PRKG2: variants seen among roughly 807,000 people sequenced by gnomAD.
The protein encoded by PRKG2 is cGMP-dependent protein kinase 2.
Under a neutral mutation model 97.2 loss-of-function variants are expected in PRKG2, and 33 were observed. The observed-to-expected ratio is 0.34, with a 90% CI of 0.26 to 0.45. The LOEUF (loss-of-function observed/expected upper bound fraction) is 0.45. Ranked by LOEUF, PRKG2 falls within the 20% of genes least tolerant of loss-of-function variation. PRKG2 has a pLI of 1.00. For missense variants in PRKG2, 638 were observed against 900.0 expected (o/e 0.71, Z 3.73); for synonymous variants, 330 against 321.8 (o/e 1.03, Z -0.27).
At chr4:81,189,098 T>TAAAAAAAAA (rs1752233810) in intron 2 of PRKG2, among the ~76,000 whole-genome samples, 1 of 28,112 alleles carries the variant, frequency 3.6e-5, no homozygotes, top group African/African-American at 3.2e-4. Flanking sequence ...AAAAAGAAGC[T>TAAAAAAAAA]AGCAATTGCA....
chr4:81,126,516 C>T (rs535507482), intron 14 of PRKG2, among the ~76,000 whole-genome samples: 69 of 152,330 alleles, frequency 4.5e-4, no homozygotes, highest in South Asian at 1.0e-3. Flanking sequence ...ATCCCTATTT[C>T]TCCATATTCT....
rs1161146981 is a variant in PRKG2 at position 81,089,282 on chromosome 4, G to C, written c.*426C>G. The stretch of plus-strand genomic sequence containing the variant: ...TTATATGAAGTTGCTGAGAGCTGGG[G>C]AGCTCTCCAAAATTCACCATTGTTT... On this transcript the variant is annotated 3_prime_UTR_variant, in exon 19 of 19. Coordinates refer to ENST00000264399, the MANE Select transcript of PRKG2 (RefSeq NM_006259.3). 2 of 153,054 alleles carry C rather than the reference G, an allele frequency of 1.3e-5. No individual in the cohort carries two copies. The highest frequency in any genetic ancestry group is 2.9e-5 in the Non-Finnish European group (2 of 68,710). 9.5% of individuals were successfully genotyped at this position (153,054 alleles called of 1,614,324 possible).
intron 6 of PRKG2, among the ~76,000 whole-genome samples, chr4:81,160,016 G>A (rs1013725463): frequency 6.6e-6 from 1 of 151,150 alleles, no homozygotes; most frequent in Non-Finnish European, 1.5e-5. Context: ...GCTAGATGAC[G>A]AATTAGTGGG....
intron 9 of PRKG2, among the ~76,000 whole-genome samples, chr4:81,145,883 A>C (rs1025439794): frequency 2.0e-5 from 3 of 152,162 alleles, no homozygotes; most frequent in African/African-American, 7.2e-5. Context: ...CCACCTCAAT[A>C]TTGTGCTGTC....
intron 14 of PRKG2, among the ~76,000 whole-genome samples, chr4:81,127,858 C>A (rs1236395034): frequency 1.3e-5 from 2 of 152,142 alleles, no homozygotes; most frequent in African/African-American, 4.8e-5. Context: ...CCAGAACTTC[C>A]AATACTATGT....
intron 2 of PRKG2, chr4:81,193,392 A>G (rs1364322148): frequency 6.6e-6 from 1 of 152,206 alleles, no homozygotes; most frequent in African/African-American, 2.4e-5. Context: ...CAGAGTCTAC[A>G]GGTCACAGAT....
At chr4:81,129,458 G>C (rs890804082) in intron 14 of PRKG2, among the ~76,000 whole-genome samples, 2 of 152,078 alleles carry the variant, frequency 1.3e-5, no homozygotes, top group African/African-American at 4.8e-5. Flanking sequence ...CTATTATTGT[G>C]TAGGAATCTA....
At position 81,205,088 on chromosome 4, in the gene PRKG2, C is replaced by T. The variant is rs1433180495; in HGVS notation, c.-13-28G>A. ...GAGAAGGCACAGAATTGGGAAGTAT[C>T]AAGTGGAGTTTCACTTCCCAACAGT... On this transcript the variant is annotated intron_variant, in intron 1 of 18. Coordinates refer to ENST00000264399, the MANE Select transcript of PRKG2 (RefSeq NM_006259.3). The T allele has an allele frequency of 3.5e-6, 5 of 1,446,536 alleles. No homozygotes were observed. The African/African-American group carries it at 7.1e-5, about 20-fold the overall frequency. 89.6% of individuals were successfully genotyped at this position (1,446,536 alleles called of 1,614,324 possible). A position where few individuals can be genotyped will look rare whatever the true frequency, so the allele number is the denominator to read the frequency against.
intron 12 of PRKG2, among the ~76,000 whole-genome samples, chr4:81,139,781 C>CAAAAAAAAA (rs548249378): frequency 2.1e-4 from 16 of 75,234 alleles, no homozygotes; most frequent in African/African-American, 3.2e-4. Flanking sequence ...TCTCAAAAGA[C>CAAAAAAAAA]AAAAAAAAAA....
intron 1 of PRKG2, among the ~76,000 whole-genome samples, chr4:81,206,783 C>T (rs1207246426): frequency 6.6e-6 from 1 of 152,150 alleles, no homozygotes; most frequent in African/African-American, 2.4e-5. Flanking sequence ...ACCTCTACAA[C>T]AACAAAGGCA....
At chr4:81,154,832 G>A (rs941858068) in intron 6 of PRKG2, among the ~76,000 whole-genome samples, 1 of 152,114 alleles carries the variant, frequency 6.6e-6, no homozygotes, top group Non-Finnish European at 1.5e-5. Flanking sequence ...AGCTACGGGA[G>A]GACATTTAAA....
intron 2 of PRKG2, among the ~76,000 whole-genome samples, chr4:81,204,221 T>C (rs978199671): frequency 6.3e-4 from 92 of 145,348 alleles, no homozygotes; most frequent in Non-Finnish European, 1.2e-3. Flanking sequence ...GTGACTCTCT[T>C]TTTTTTTTTT....
chr4:81,177,387 A>G (rs1157336545), intron 2 of PRKG2, among the ~76,000 whole-genome samples: 1 of 152,196 alleles, frequency 6.6e-6, no homozygotes, highest in Non-Finnish European at 1.5e-5. Flanking sequence ...TAGATTATAA[A>G]TTTAAAACAA....
intron 14 of PRKG2, among the ~76,000 whole-genome samples, chr4:81,114,659 A>G (rs529566985): frequency 1.3e-5 from 2 of 152,316 alleles, no homozygotes; most frequent in South Asian, 4.1e-4. Context: ...TGTGACACAT[A>G]AACAAGTTAT....
chr4:81,101,756 A>C (rs1461039510), intron 17 of PRKG2, among the ~76,000 whole-genome samples: 3 of 152,042 alleles, frequency 2.0e-5, no homozygotes, highest in Non-Finnish European at 4.4e-5. Context: ...AAAGAAAAAA[A>C]AAACAAAATT....
At chr4:81,213,114 T>TTGAAA (rs1754091756) in intron 1 of PRKG2, among the ~76,000 whole-genome samples, 1 of 152,154 alleles carries the variant, frequency 6.6e-6, no homozygotes, top group South Asian at 2.1e-4. Context: ...GAAAAGACAG[T>TTGAAA]AATGAGTCTG....
At chr4:81,094,067 C>A (rs1741874753) in intron 17 of PRKG2, among the ~76,000 whole-genome samples, 1 of 152,148 alleles carries the variant, frequency 6.6e-6, no homozygotes, top group Non-Finnish European at 1.5e-5. Context: ...CTGCAAGGTG[C>A]AGTAAGTAAA....
chr4:81,114,724 G>A (rs954533085), intron 14 of PRKG2, among the ~76,000 whole-genome samples: 3 of 152,112 alleles, frequency 2.0e-5, no homozygotes, highest in Non-Finnish European at 2.9e-5. Flanking sequence ...TAACTAAACA[G>A]AACCAACACA....
upstream of PRKG2, among the ~76,000 whole-genome samples, chr4:81,217,035 ATATATATATATATATATATGTG>A (rs912225430): frequency 6.6e-5 from 9 of 135,844 alleles, no homozygotes; most frequent in African/African-American, 2.7e-4. Flanking sequence ...TATTTTGTAT[ATATATATATATATATATATGTG>A]TATATATATA....
Sources: gnomAD v4.1 joint callset for allele counts (sites outside exome capture counted in the v4.1 genomes callset) on GRCh38, gnomAD v4.1.1 for gene constraint, MANE v1.5 for transcripts, NCBI Gene and HGNC (gene_info 2026-07-23, HGNC 2026-07-21) for gene names.